The following NCOR2 variants were observed in gnomAD, a reference collection of about 807,000 sequenced individuals.
The protein encoded by NCOR2 is CTG repeat protein 26.
NCOR2 carries 81 observed loss-of-function variants against 262.9 expected under a neutral mutation model. The ratio of observed to expected loss-of-function variants is 0.31; its 90% CI spans 0.26 to 0.37. NCOR2 has a LOEUF of 0.37. Ranked by LOEUF, NCOR2 falls within the 10% of genes least tolerant of loss-of-function variation. The pLI is 1.00. For synonymous variants in NCOR2, 1,659 were observed against 1,559.3 expected, an observed-to-expected ratio of 1.06 and a Z score of -1.51; for missense variants, 3,385 against 3,621.4, an observed-to-expected ratio of 0.93 and a Z score of 1.68.
intron 6 of NCOR2, among the ~76,000 whole-genome samples, chr12:124,456,131 C>G (rs1259676763): frequency 1.3e-5 from 2 of 152,232 alleles, no homozygotes; most frequent in African/African-American, 4.8e-5. Context: ...CTGCCTTGGC[C>G]TCCCATAGCA....
rs1355563982 is a variant in NCOR2 at position 124,454,073 on chromosome 12, A to T, written c.762+3033T>A. On this transcript the variant is annotated intron_variant, in intron 6 of 46. Transcript: ENST00000405201. This position sits in a 1 kb window ranked among gnomAD's most constrained non-coding sequence, Gnocchi z 5.6. The stretch of plus-strand genomic sequence containing the variant: ...GTAGACAGGACCCTGCAGAGGGTGC[A>T]CCATGCAGCTGCCTCTGCTTGGAGG... 3.3e-5 allele frequency among the ~76,000 whole-genome samples: 5 copies of T among 152,298 alleles called. No individual in the cohort carries two copies. The East Asian group carries it at 9.7e-4, about 29-fold the overall frequency.
intron 8 of NCOR2, among the ~76,000 whole-genome samples, chr12:124,431,408 G>GCAGA (rs139984344): frequency 6.1e-5 from 9 of 148,178 alleles, no homozygotes; most frequent in African/African-American, 7.5e-5. Context: ...AGATACACAG[G>GCAGA]CAGACAGACA....
At chr12:124,406,152 T>C (rs1282396445) in intron 13 of NCOR2, among the ~76,000 whole-genome samples, 1 of 152,182 alleles carries the variant, frequency 6.6e-6, no homozygotes, top group Non-Finnish European at 1.5e-5. Context: ...GCCGTCTCTG[T>C]CAACCCCCTT....
At chr12:124,450,281 A>G (rs565148354) in intron 6 of NCOR2, among the ~76,000 whole-genome samples, 2 of 152,066 alleles carry the variant, frequency 1.3e-5, no homozygotes, top group African/African-American at 4.8e-5. Flanking sequence ...ATACCACTCC[A>G]CCCCCACTGA....
intron 5 of NCOR2, among the ~76,000 whole-genome samples, chr12:124,463,382 C>T (rs1226355626): frequency 6.6e-6 from 1 of 152,220 alleles, no homozygotes; most frequent in Non-Finnish European, 1.5e-5. Flanking sequence ...CACGCTTCTG[C>T]CCTCCTGGGC....
chr12:124,372,103 G>A (rs375248734), exon 20 of NCOR2: 20 of 1,602,744 alleles, frequency 1.2e-5, no homozygotes, highest in African/African-American at 5.3e-5. Flanking sequence ...GGGGGCGCCC[G>A]AGCTCTTGGC....
intron 1 of NCOR2, chr12:124,518,411 C>G (rs776627274): frequency 6.6e-6 from 1 of 152,252 alleles, no homozygotes; most frequent in East Asian, 1.9e-4. Flanking sequence ...GGAGGCCCTG[C>G]AGGGCCAGGC....
intron 33 of NCOR2, among the ~76,000 whole-genome samples, chr12:124,342,519 G>A (rs912649685): frequency 2.0e-5 from 3 of 151,984 alleles, no homozygotes; most frequent in Non-Finnish European, 2.9e-5. Context: ...ACAGGCGCCC[G>A]CCACCACACC....
exon 42 of NCOR2, chr12:124,333,229 A>T (rs753908360): frequency 6.2e-7 from 1 of 1,612,972 alleles, no homozygotes; most frequent in South Asian, 1.1e-5. Context: ...CACAGGTTCA[A>T]TACCGTCCTC....
chr12:124,513,027 G>A (rs73225452), intron 1 of NCOR2, among the ~76,000 whole-genome samples: 3,460 of 152,296 alleles, frequency 0.023, 62 homozygotes, highest in Non-Finnish European at 0.036. Flanking sequence ...GCTCTCTCGG[G>A]AGGACTCAGC....
rs146816252 is a variant in NCOR2, at chr12:124,354,311, C to A, written c.3590-115G>T. Reference sequence around the variant, plus strand: ...CCACAAGTTGTGCTAGTTGTTTCAACGCAGAGGGAGTCCCCCTACCCCTAA... The same window carrying A: ...CCACAAGTTGTGCTAGTTGTTTCAAAGCAGAGGGAGTCCCCCTACCCCTAA... On this transcript the variant is annotated intron_variant, in intron 26 of 46. Transcript: ENST00000405201. 2.4e-6 allele frequency: 3 copies of A among 1,238,732 alleles called. No individual in the cohort carries two copies. In the East Asian group the frequency reaches 7.7e-5, roughly 32 times the overall value. 76.7% of individuals were successfully genotyped at this position (1,238,732 alleles called of 1,614,324 possible). A position where few individuals can be genotyped will look rare whatever the true frequency, so the allele number is the denominator to read the frequency against.
upstream of NCOR2, chr12:124,537,862 T>G (rs1236897965): frequency 5.3e-5 from 8 of 152,202 alleles, no homozygotes; most frequent in Non-Finnish European, 7.3e-5. Flanking sequence ...TTTTTAAGCG[T>G]TTTTTTCACT....
chr12:124,399,833 G>A (rs1043735827), intron 15 of NCOR2, among the ~76,000 whole-genome samples: 1 of 152,090 alleles, frequency 6.6e-6, no homozygotes, highest in South Asian at 2.1e-4. Context: ...TGCCCCCTGC[G>A]GCGAATCTTG....
At chr12:124,411,392 CG>C (rs2042579492) in intron 13 of NCOR2, among the ~76,000 whole-genome samples, 2 of 152,120 alleles carry the variant, frequency 1.3e-5, no homozygotes, top group Admixed American at 1.3e-4. Context: ...CGGCAGCAGT[CG>C]GGGGCGGAGC....
At chr12:124,494,491 G>A (rs1345551522) in intron 1 of NCOR2, among the ~76,000 whole-genome samples, 1 of 152,212 alleles carries the variant, frequency 6.6e-6, no homozygotes, top group African/African-American at 2.4e-5. Context: ...CCGCTGGGAA[G>A]TGGGGTGGGG....
Position 124,457,250 on chromosome 12 carries a change from C to G in NCOR2, c.706-88G>C, listed in dbSNP as rs2045926441. The G allele has an allele frequency of 7.3e-7, 1 of 1,369,288 alleles. No homozygotes were observed. Among genetic ancestry groups the G allele is most frequent in the Non-Finnish European group, 9.7e-7 (1 of 1,030,392 alleles). 84.8% of individuals were successfully genotyped at this position (1,369,288 alleles called of 1,614,324 possible). A position where few individuals can be genotyped will look rare whatever the true frequency, so the allele number is the denominator to read the frequency against. ...AGAGGCTTCCCGGAGCAGCGGGCAC[C>G]TGCCCAGCCCAGTCCAGCATGCTGA... On this transcript the variant is annotated intron_variant, in intron 5 of 46. Transcript: ENST00000405201. The surrounding 1 kb of genome is among the most constrained non-coding windows in gnomAD (Gnocchi z 4.0).
At chr12:124,506,517 A>T (rs1230317856) in intron 1 of NCOR2, among the ~76,000 whole-genome samples, 1 of 150,940 alleles carries the variant, frequency 6.6e-6, no homozygotes, top group Non-Finnish European at 1.5e-5. Flanking sequence ...TAAAAGGAAG[A>T]GAGGGAGATA....
Position 124,437,910 on chromosome 12 carries a change from G to T in NCOR2, c.882+20C>A. ...CCCAGATCTCAAGGAAAGCTGATGG[G>T]GGCCACGGTGTGGACTTACCCATTG... On this transcript the variant is annotated intron_variant, in intron 8 of 46. Coordinates refer to ENST00000405201, the Ensembl canonical transcript of NCOR2. 1.2e-6 allele frequency: 2 copies of T among 1,606,730 alleles called. No individual in the cohort carries two copies. The highest frequency in any genetic ancestry group is 8.5e-7 in the Non-Finnish European group (1 of 1,175,968).
chr12:124,441,241 T>C (rs1419083348), intron 7 of NCOR2, among the ~76,000 whole-genome samples: 1 of 152,186 alleles, frequency 6.6e-6, no homozygotes, highest in South Asian at 2.1e-4. Flanking sequence ...CCAGAGTGAC[T>C]TTAAGTCAAG....
Sources: allele counts gnomAD v4.1 joint callset (sites outside exome capture counted in the v4.1 genomes callset), GRCh38; gene constraint gnomAD v4.1.1; non-coding constraint Gnocchi (gnomAD v3.1); transcripts MANE v1.5; gene names NCBI Gene and HGNC (gene_info 2026-07-23, HGNC 2026-07-21).